Variants in FAM234A observed in about 807,000 individuals in gnomAD.
FAM234A encodes the protein family with sequence similarity 234 member A.
A neutral mutation model predicts 49.1 loss-of-function variants in FAM234A; 42 were observed. The ratio of observed to expected loss-of-function variants is 0.86; its 90% CI spans 0.67 to 1.11. The LOEUF is 1.11. Ranked by LOEUF, FAM234A falls within the 50% of genes least tolerant of loss-of-function variation. The pLI is 0.00. For missense variants in FAM234A, 815 were observed against 745.2 expected, an observed-to-expected ratio of 1.09 and a Z score of -1.09; for synonymous variants, 369 against 316.2, an observed-to-expected ratio of 1.17 and a Z score of -1.77.
At chr16:262,783 T>G (rs1350402599) in intron 8 of FAM234A, among the ~76,000 whole-genome samples, 10 of 149,924 alleles carry the variant, frequency 6.7e-5, no homozygotes, top group Non-Finnish European at 1.2e-4. Flanking sequence ...CCACGGAAAG[T>G]GGGGGTCTTT....
intron 3 of FAM234A, among the ~76,000 whole-genome samples, chr16:257,416 A>G (rs531609854): frequency 2.1e-4 from 30 of 145,448 alleles, no homozygotes; most frequent in Non-Finnish European, 4.3e-4. Flanking sequence ...TGGCTAATGT[A>G]TGTATTTTTA....
downstream of FAM234A, chr16:269,645 A>C (rs2141399360): frequency 6.1e-6 from 8 of 1,317,188 alleles, no homozygotes; most frequent in Non-Finnish European, 7.6e-6. Flanking sequence ...AGCCAGCTCC[A>C]CCCGAAGGAG....
chr16:236,797 G>A lies in FAM234A; in HGVS notation c.-140+1940G>A, dbSNP rs28651111. Among the ~76,000 whole-genome samples, 2 of 85,144 alleles carry A rather than the reference G, an allele frequency of 2.3e-5. 1 individual carries two copies. The highest frequency in any genetic ancestry group is 5.9e-5 in the Non-Finnish European group (2 of 34,144). The allele number at this position is 85,144 out of a possible 152,430, so 55.9% of individuals were successfully genotyped here. On this transcript the variant is annotated intron_variant, in intron 1 of 12. Coordinates refer to ENST00000399932, the MANE Select transcript of FAM234A (RefSeq NM_032039.4). ...GGCGGGCGCCTGTAGTCCCAGCTAC[G>A]CGGGAGGCTGAGGCAGGAGAATGGC...
intron 1 of FAM234A, among the ~76,000 whole-genome samples, chr16:238,010 ATTTATT>A (rs59056617): frequency 0.72 from 108,016 of 149,160 alleles, 38,998 homozygotes; most frequent in African/African-American, 0.78. Context: ...GGCCTATGTT[ATTTATT>A]TTTATTTATT....
intron 3 of FAM234A, among the ~76,000 whole-genome samples, chr16:259,092 T>C (rs185034291): frequency 6.6e-6 from 1 of 152,128 alleles, no homozygotes; most frequent in Admixed American, 6.5e-5. Flanking sequence ...ACTTCACTCT[T>C]TTGGTGTTTG....
intron 2 of FAM234A, among the ~76,000 whole-genome samples, chr16:251,981 C>T (rs1308072090): frequency 2.3e-5 from 3 of 133,112 alleles, no homozygotes; most frequent in South Asian, 2.4e-4. Flanking sequence ...CTAGCCTGGG[C>T]GACAGAATGA....
At position 264,115 on chromosome 16, in the gene FAM234A, C is replaced by T; in HGVS notation, c.1288C>T (p.His430Tyr). Reference protein sequence around the residue: ...PLSASLPTADHRSAFFFWGLH... With the variant: ...PLSASLPTADYRSAFFFWGLH... ...GTCCGCCAGCCTGCCGACCGCAGAC[C>T]ACCGCTCAGCCTTCTTCTTCTGGGG... is the stretch of plus-strand genomic sequence containing the variant. Residue 430 changes from histidine to tyrosine, a missense_variant, in exon 11 of 13, where the codon CAC becomes TAC. By Grantham distance (83) the His-to-Tyr change is moderately conservative. Coordinates refer to ENST00000399932, the MANE Select transcript of FAM234A (RefSeq NM_032039.4). The T allele has an allele frequency of 1.2e-6, 2 of 1,611,172 alleles. No homozygotes were observed. Among genetic ancestry groups the T allele is most frequent in the African/African-American group, 2.7e-5 (2 of 75,038 alleles).
Position 265,396 on chromosome 16 carries a change from G to A in FAM234A, c.*374G>A, listed in dbSNP as rs1389003479. 2.7e-5 allele frequency: 28 copies of A among 1,036,910 alleles called. No homozygotes were observed. Among genetic ancestry groups the A allele is most frequent in the Non-Finnish European group, 3.2e-5 (28 of 863,640 alleles). 64.2% of individuals were successfully genotyped at this position (1,036,910 alleles called of 1,614,324 possible). A position where few individuals can be genotyped will look rare whatever the true frequency, so the allele number is the denominator to read the frequency against. On this transcript the variant is annotated 3_prime_UTR_variant, in exon 13 of 13. Transcript: ENST00000399932. ...CCCTCTCCTTGCCAGCTTCTCCCCA[G>A]GCCAGAGCGGCCATCGCGTAGAAAG...
At chr16:258,812 C>G (rs2051341871) in intron 3 of FAM234A, among the ~76,000 whole-genome samples, 1 of 152,200 alleles carries the variant, frequency 6.6e-6, no homozygotes, top group Non-Finnish European at 1.5e-5. Context: ...GAGATGGACT[C>G]CAGCTCTGTC....
chr16:265,425 C>T lies in FAM234A; in HGVS notation c.*403C>T. 9.9e-7 allele frequency: 1 copy of T among 1,013,476 alleles called. No individual in the cohort carries two copies. Among genetic ancestry groups the T allele is most frequent in the Non-Finnish European group, 1.2e-6 (1 of 848,750 alleles). The allele number at this position is 1,013,476 out of a possible 1,614,324, so 62.8% of individuals were successfully genotyped here. A position where few individuals can be genotyped will look rare whatever the true frequency, so the allele number is the denominator to read the frequency against. On this transcript the variant is annotated 3_prime_UTR_variant, in exon 13 of 13. Coordinates refer to ENST00000399932, the MANE Select transcript of FAM234A (RefSeq NM_032039.4). The stretch of plus-strand genomic sequence containing the variant: ...AGAGCGGCCATCGCGTAGAAAGAAC[C>T]AGGGTGTCCCCGGGACAGGCCGTCC...
In FAM234A at chr16:237,573, G is replaced by A. The variant is rs2050447793; in HGVS notation, c.-140+2716G>A. Among the ~76,000 whole-genome samples, 4 of 152,254 alleles carry A rather than the reference G, an allele frequency of 2.6e-5. No homozygotes were observed. The South Asian group carries it at 8.3e-4, about 32-fold the overall frequency. On this transcript the variant is annotated intron_variant, in intron 1 of 12. Coordinates refer to ENST00000399932, the MANE Select transcript of FAM234A (RefSeq NM_032039.4). ...TGGAAGCCTCAGTTCCCTCTTGGCT[G>A]GTGGCAGGAGCCCTCAGTTCCTTGC... is the stretch of plus-strand genomic sequence containing the variant.
chr16:262,283 C>T (rs538988511), intron 7 of FAM234A, 58 bp downstream of exon 7: 14 of 1,597,572 alleles, frequency 8.8e-6, no homozygotes, highest in African/African-American at 4.0e-5. Context: ...GACTGCCCTG[C>T]GGCTCCTCAG....
chr16:252,443 A>T (rs1020089779), intron 2 of FAM234A, among the ~76,000 whole-genome samples: 3 of 152,020 alleles, frequency 2.0e-5, no homozygotes, highest in Non-Finnish European at 4.4e-5. Context: ...GGCCTCTCAA[A>T]AGTGCTGGGA....
intron 5 of FAM234A, 185 bp from the exon 6 acceptor site, chr16:261,199 C>T: frequency 1.6e-6 from 1 of 625,930 alleles, no homozygotes; most frequent in Non-Finnish European, 2.8e-6. Flanking sequence ...CCGCGTGCTG[C>T]TCCTTCACGA....
At chr16:254,172 G>A (rs893304445) in intron 2 of FAM234A, 3 of 535,064 alleles carry the variant, frequency 5.6e-6, no homozygotes, top group Admixed American at 6.9e-5. Flanking sequence ...CAGCTAACTC[G>A]CCTTTCCACA....
intron 2 of FAM234A, among the ~76,000 whole-genome samples, chr16:250,698 C>T (rs768986335): frequency 2.0e-5 from 3 of 152,122 alleles, no homozygotes; most frequent in Non-Finnish European, 2.9e-5. Flanking sequence ...AAGAAACCCT[C>T]AGCCCATAGC....
At position 263,336 on chromosome 16, in the gene FAM234A, C is replaced by A. The variant is rs567807471; in HGVS notation, c.1046C>A (p.Ala349Asp). Residue 349 changes from alanine to aspartate, a missense_variant, in exon 9 of 13, where the codon GCC becomes GAC. Transcript: ENST00000399932. ...GADVLLVGSE[A>D]FVLLDGQELT... ...GATGTGCTTCTTGTGGGCTCAGAGGCCTTCGTGCTGCTGGACGGGCAGGAG... is the reference window on the plus strand; with the variant it reads ...GATGTGCTTCTTGTGGGCTCAGAGGACTTCGTGCTGCTGGACGGGCAGGAG... The A allele has an allele frequency of 6.2e-7, 1 of 1,613,116 alleles. No homozygotes were observed. The highest frequency in any genetic ancestry group is 8.5e-7 in the Non-Finnish European group (1 of 1,180,008).
At chr16:244,126 G>A (rs1054555847) in intron 1 of FAM234A, among the ~76,000 whole-genome samples, 29 of 152,092 alleles carry the variant, frequency 1.9e-4, no homozygotes, top group African/African-American at 5.8e-4. Context: ...CCGCCACCAC[G>A]CCCGGCTAAT....
At chr16:244,802 C>T (rs1243506521) in intron 1 of FAM234A, among the ~76,000 whole-genome samples, 1 of 151,006 alleles carries the variant, frequency 6.6e-6, no homozygotes, top group African/African-American at 2.4e-5. Flanking sequence ...ATTCTCCTGC[C>T]TCAGCCTCCC....
Sources: gnomAD v4.1 joint callset for allele counts (sites outside exome capture counted in the v4.1 genomes callset) on GRCh38, gnomAD v4.1.1 for gene constraint, MANE v1.5 for transcripts, NCBI Gene and HGNC (gene_info 2026-07-23, HGNC 2026-07-21) for gene names.